ADAMTS3: variants seen among roughly 807,000 people sequenced by gnomAD.
ADAMTS3 encodes the protein ADAM metallopeptidase with thrombospondin type 1 motif 3, also known as A disintegrin and metalloproteinase with thrombospondin motifs 3.
A neutral mutation model predicts 129.0 loss-of-function variants in ADAMTS3; 73 were observed. The ratio of observed to expected loss-of-function variants is 0.57; its 90% CI spans 0.47 to 0.69. The LOEUF (loss-of-function observed/expected upper bound fraction) is 0.69. ADAMTS3 is among the 30% of genes least tolerant of loss of function. The probability of loss-of-function intolerance (pLI) is 0.00; values close to 1 mark genes in which losing one functional copy is unlikely to be tolerated. For missense variants in ADAMTS3, 1,457 were observed against 1,514.5 expected, an observed-to-expected ratio of 0.96 and a Z score of 0.63; for synonymous variants, 477 against 510.8, an observed-to-expected ratio of 0.93 and a Z score of 0.89.
chr4:72,433,260 T>C (rs1366167385), intron 3 of ADAMTS3, among the ~76,000 whole-genome samples: 2 of 151,954 alleles, frequency 1.3e-5, no homozygotes, highest in African/African-American at 4.8e-5. Flanking sequence ...CAAATGTCCA[T>C]TATCAAGAGC....
intron 3 of ADAMTS3, among the ~76,000 whole-genome samples, chr4:72,430,388 A>G (rs569110394): frequency 2.5e-4 from 38 of 151,968 alleles, no homozygotes; most frequent in Non-Finnish European, 5.2e-4. Flanking sequence ...CCCAAACCAT[A>G]TGGAGAGGCT....
chr4:72,535,365 T>C (rs1203835212), intron 3 of ADAMTS3, among the ~76,000 whole-genome samples: 1 of 152,186 alleles, frequency 6.6e-6, no homozygotes, highest in Non-Finnish European at 1.5e-5. Flanking sequence ...TTCTTCATTT[T>C]CTCTCAGGCT....
intron 3 of ADAMTS3, among the ~76,000 whole-genome samples, chr4:72,431,493 C>T (rs1482580277): frequency 6.6e-6 from 1 of 151,982 alleles, no homozygotes; most frequent in Non-Finnish European, 1.5e-5. Flanking sequence ...CCTCATGTGA[C>T]AGGGTGCAGT....
At chr4:72,536,540 C>T (rs1401787863) in intron 3 of ADAMTS3, among the ~76,000 whole-genome samples, 1 of 152,100 alleles carries the variant, frequency 6.6e-6, no homozygotes, top group Non-Finnish European at 1.5e-5. Flanking sequence ...TTCCTAAGGG[C>T]CAGGCTGTGT....
At position 72,319,859 on chromosome 4, in the gene ADAMTS3, C is replaced by T; in HGVS notation, c.1207G>A (p.Val403Met). 1 of 1,611,626 alleles carries T rather than the reference C, an allele frequency of 6.2e-7. No homozygotes were observed. The highest frequency in any genetic ancestry group is 8.5e-7 in the Non-Finnish European group (1 of 1,177,866). The change falls in exon 8 of 22, where the codon GTG becomes ATG. Residue 403 changes from valine (V) to methionine (M), a missense_variant and splice_region_variant. Physicochemically the swap from Val to Met is conservative, Grantham distance 21. Transcript: ENST00000286657. Reference sequence around the variant, plus strand: ...TTATAGCTGTCAGCAGTGACTTACACATGGCCCGTTTCATGGGCTACTACA... The same window carrying T: ...TTATAGCTGTCAGCAGTGACTTACATATGGCCCGTTTCATGGGCTACTACA... ...AFVVAHETGH[V>M]LGMEHDGQGN... is the part of the protein sequence containing the mutation.
chr4:72,491,301 T>C (rs1020186029), intron 3 of ADAMTS3, among the ~76,000 whole-genome samples: 3 of 151,764 alleles, frequency 2.0e-5, no homozygotes, highest in African/African-American at 4.8e-5. Flanking sequence ...TGTTTTTTTC[T>C]TTCCTAAATG....
At chr4:72,469,018 T>C (rs1475043144) in intron 3 of ADAMTS3, among the ~76,000 whole-genome samples, 1 of 152,154 alleles carries the variant, frequency 6.6e-6, no homozygotes, top group Admixed American at 6.6e-5. Context: ...AGTACATACA[T>C]ATGATTATAA....
chr4:72,339,139 T>C lies in ADAMTS3; in HGVS notation c.861+355A>G, dbSNP rs577696862. 4.1e-4 allele frequency among the ~76,000 whole-genome samples: 62 copies of C among 152,330 alleles called. 1 individual carries two copies. In the South Asian group the frequency reaches 0.013, roughly 31 times the overall value. Reference sequence around the variant, plus strand: ...CTAGAAAGAACTATTTCATCCTTCATAGGCAACATGAAAGCAGATGGACAA... The same window carrying C: ...CTAGAAAGAACTATTTCATCCTTCACAGGCAACATGAAAGCAGATGGACAA... On this transcript the variant is annotated intron_variant, in intron 5 of 21. Coordinates refer to ENST00000286657, the MANE Select transcript of ADAMTS3 (RefSeq NM_014243.3).
intron 3 of ADAMTS3, among the ~76,000 whole-genome samples, chr4:72,543,890 C>T (rs1578781502): frequency 6.6e-6 from 1 of 151,784 alleles, no homozygotes; most frequent in Non-Finnish European, 1.5e-5. Flanking sequence ...TGTATTTTAT[C>T]ACAAAAAAAT....
At chr4:72,509,666 C>G (rs1020671922) in intron 3 of ADAMTS3, among the ~76,000 whole-genome samples, 1 of 152,038 alleles carries the variant, frequency 6.6e-6, no homozygotes, top group Non-Finnish European at 1.5e-5. Context: ...GATGGCTTTA[C>G]TGATGAATTC....
At chr4:72,408,565 T>G (rs938570452) in intron 4 of ADAMTS3, among the ~76,000 whole-genome samples, 1 of 152,014 alleles carries the variant, frequency 6.6e-6, no homozygotes, top group South Asian at 2.1e-4. Flanking sequence ...AAATTATCTT[T>G]TAAAAATATA....
At chr4:72,533,153 T>C (rs1176170166) in intron 3 of ADAMTS3, among the ~76,000 whole-genome samples, 1 of 152,160 alleles carries the variant, frequency 6.6e-6, no homozygotes, top group African/African-American at 2.4e-5. Context: ...TGTATAAAAA[T>C]ATATTTTCTT....
At chr4:72,321,036 T>A (rs1350844708) in intron 6 of ADAMTS3, among the ~76,000 whole-genome samples, 166 bp from the exon 7 acceptor site, 1 of 152,212 alleles carries the variant, frequency 6.6e-6, no homozygotes, top group Non-Finnish European at 1.5e-5. Flanking sequence ...TAAATGCCCA[T>A]GAAGGATATT....
At chr4:72,443,158 T>C (rs1218580319) in intron 3 of ADAMTS3, among the ~76,000 whole-genome samples, 4 of 151,642 alleles carry the variant, frequency 2.6e-5, no homozygotes, top group African/African-American at 9.7e-5. Flanking sequence ...ATCTGCCCAG[T>C]GAAATCCTAC....
intron 3 of ADAMTS3, among the ~76,000 whole-genome samples, chr4:72,441,320 ATCT>A (rs1322160296): frequency 6.6e-6 from 1 of 151,694 alleles, no homozygotes; most frequent in Non-Finnish European, 1.5e-5. Flanking sequence ...ACATTTGTAC[ATCT>A]TCTTTTGTGA....
chr4:72,527,470 C>T (rs566930808), intron 3 of ADAMTS3, among the ~76,000 whole-genome samples: 2 of 152,230 alleles, frequency 1.3e-5, no homozygotes, highest in Non-Finnish European at 2.9e-5. Flanking sequence ...GTTGCATCCA[C>T]AGCAATGAAA....
At chr4:72,355,698 A>AT (rs1374662643) in intron 4 of ADAMTS3, among the ~76,000 whole-genome samples, 1 of 152,022 alleles carries the variant, frequency 6.6e-6, no homozygotes, top group Admixed American at 6.6e-5. Flanking sequence ...CCTTCACCAG[A>AT]TAGCGGTGTT....
chr4:72,374,727 T>C (rs1400944484), intron 4 of ADAMTS3, among the ~76,000 whole-genome samples: 1 of 152,206 alleles, frequency 6.6e-6, no homozygotes, highest in Non-Finnish European at 1.5e-5. Context: ...AGTTTCTTGG[T>C]TTAAAATACT....
At chr4:72,426,499 A>C (rs930675916) in intron 3 of ADAMTS3, among the ~76,000 whole-genome samples, 1 of 152,140 alleles carries the variant, frequency 6.6e-6, no homozygotes, top group Non-Finnish European at 1.5e-5. Context: ...TTGGCAGAAG[A>C]CATATCTGAA....
Sources: allele counts gnomAD v4.1 joint callset (sites outside exome capture counted in the v4.1 genomes callset), GRCh38; gene constraint gnomAD v4.1.1; transcripts MANE v1.5; gene names NCBI Gene and HGNC (gene_info 2026-07-23, HGNC 2026-07-21).